The following PALM variants were observed in gnomAD, a reference collection of about 807,000 sequenced individuals.
PALM encodes paralemmin.
PALM carries 18 observed loss-of-function variants against 30.7 expected under a neutral mutation model. The observed-to-expected ratio is 0.59, with a 90% CI of 0.41 to 0.87. PALM has a LOEUF of 0.87. PALM is among the 40% of genes least tolerant of loss of function. The probability of loss-of-function intolerance (pLI) is 0.00; values close to 1 mark genes in which losing one functional copy is unlikely to be tolerated. For synonymous variants in PALM, 286 were observed against 242.8 expected (o/e 1.18, Z -1.66); for missense variants, 529 against 555.4 (o/e 0.95, Z 0.48).
intron 5 of PALM, among the ~76,000 whole-genome samples, chr19:732,326 G>A (rs974402617): frequency 5.3e-5 from 8 of 152,182 alleles, no homozygotes; most frequent in African/African-American, 1.9e-4. Context: ...CTGGCTCAAG[G>A]CCACACAGCT....
At chr19:719,251 T>A in intron 1 of PALM, 1 of 985,382 alleles carries the variant, frequency 1.0e-6, no homozygotes, top group Non-Finnish European at 1.2e-6. Flanking sequence ...TGGGTGACCT[T>A]GGCCGTTGCG....
intron 1 of PALM, chr19:722,776 G>C (rs1012482731): frequency 1.4e-4 from 22 of 152,338 alleles, no homozygotes; most frequent in African/African-American, 5.3e-4. Context: ...CCCCAAGCCA[G>C]AAAGCTGGAT....
At chr19:720,293 C>A (rs990624287) in intron 1 of PALM, among the ~76,000 whole-genome samples, 2 of 150,624 alleles carry the variant, frequency 1.3e-5, no homozygotes, top group Non-Finnish European at 3.0e-5. Flanking sequence ...CATCCATCAC[C>A]GGGGCGGCGG....
chr19:738,045 G>A (rs999565902), intron 7 of PALM, among the ~76,000 whole-genome samples: 2 of 152,132 alleles, frequency 1.3e-5, no homozygotes, highest in African/African-American at 4.8e-5. Context: ...GCAGTGGGCG[G>A]TTCCTTATGT....
chr19:722,210 A>G lies in PALM; in HGVS notation c.6-3928A>G, dbSNP rs59352864. Among the ~76,000 whole-genome samples, 216 of 152,090 alleles carry G rather than the reference A, an allele frequency of 1.4e-3. 3 individuals are homozygous for G. In the East Asian group the frequency reaches 0.029, roughly 21 times the overall value. On this transcript the variant is annotated intron_variant, in intron 1 of 8. Coordinates refer to ENST00000338448, the MANE Select transcript of PALM (RefSeq NM_002579.3). ...TGGGATTACAGGCGTGAGCCAGCGC[A>G]CCCGGCCTTAAATTTTTATTTTTGA...
intron 1 of PALM, among the ~76,000 whole-genome samples, chr19:720,600 GCCGGGTCTGGGGAGGGGCGAGGGGGGCGC>G: frequency 8.1e-6 from 1 of 124,012 alleles, no homozygotes; most frequent in South Asian, 2.9e-4. Context: ...CGAGGGGGGC[GCCGGGTCTGGGGAGGGGCGAGGGGGGCGC>G]CCGTGACTGC....
At chr19:730,480 A>G (rs1321488856) in intron 4 of PALM, among the ~76,000 whole-genome samples, 1 of 151,776 alleles carries the variant, frequency 6.6e-6, no homozygotes, top group East Asian at 1.9e-4. Context: ...CTGGTGAGAT[A>G]AAGTTTCCTG....
intron 1 of PALM, among the ~76,000 whole-genome samples, chr19:725,201 G>A (rs1469514256): frequency 6.6e-6 from 1 of 151,666 alleles, no homozygotes; most frequent in African/African-American, 2.4e-5. Flanking sequence ...TATTTGTTAA[G>A]CGCCTACCAC....
Position 746,209 on chromosome 19 carries a change from T to C in PALM, c.635-76T>C, listed in dbSNP as rs141732890. 1,108 of 1,212,206 alleles carry C rather than the reference T, an allele frequency of 9.1e-4. 7 individuals are homozygous for C. In the African/African-American group the frequency reaches 0.015, roughly 17 times the overall value. 75.1% of individuals were successfully genotyped at this position (1,212,206 alleles called of 1,614,324 possible). A position where few individuals can be genotyped will look rare whatever the true frequency, so the allele number is the denominator to read the frequency against. On this transcript the variant is annotated intron_variant, in intron 8 of 8. Transcript: ENST00000338448. This position sits in a 1 kb window ranked among gnomAD's most constrained non-coding sequence, Gnocchi z 7.1. ...GATACAAGCCTTGCCAAGGTTTCCC[T>C]CCTGCCTGAGCCAGGTCACTCTCTC...
At chr19:720,703 C>T (rs1008856325) in intron 1 of PALM, among the ~76,000 whole-genome samples, 45 of 152,006 alleles carry the variant, frequency 3.0e-4, no homozygotes, top group African/African-American at 1.0e-3. Context: ...CGCGCGTTCC[C>T]TGCCCGCCCG....
At chr19:729,394 A>G (rs1483842045) in intron 4 of PALM, among the ~76,000 whole-genome samples, 1 of 147,530 alleles carries the variant, frequency 6.8e-6, no homozygotes, top group Non-Finnish European at 1.5e-5. Context: ...GCCGAGTGTT[A>G]CCCACTCCCT....
chr19:729,325 A>G (rs1568226908), intron 4 of PALM, among the ~76,000 whole-genome samples: 1 of 151,626 alleles, frequency 6.6e-6, no homozygotes, highest in East Asian at 1.9e-4. Flanking sequence ...GAATCTGTCT[A>G]AAAAAGGAAG....
chr19:728,741 A>C (rs970645916), intron 4 of PALM, among the ~76,000 whole-genome samples: 13 of 151,974 alleles, frequency 8.6e-5, no homozygotes, highest in African/African-American at 2.4e-4. Flanking sequence ...CGGTGGCTCA[A>C]GCCTGTAATC....
intron 4 of PALM, among the ~76,000 whole-genome samples, chr19:728,425 GC>G (rs1309834550): frequency 6.6e-6 from 1 of 152,230 alleles, no homozygotes; most frequent in Non-Finnish European, 1.5e-5. Flanking sequence ...CCCCGTGGGG[GC>G]CCCTCCCTGC....
At chr19:727,852 C>T (rs954908638) in intron 4 of PALM, 158 bp downstream of exon 4, 16 of 693,078 alleles carry the variant, frequency 2.3e-5, no homozygotes, top group Admixed American at 5.9e-5. Flanking sequence ...GGACGCAGGA[C>T]GGGACAGATC....
chr19:721,379 C>A (rs2032476047), intron 1 of PALM, among the ~76,000 whole-genome samples: 1 of 152,076 alleles, frequency 6.6e-6, no homozygotes, highest in South Asian at 2.1e-4. Context: ...GATCCTCCTG[C>A]CTCAGCCTCC....
At chr19:711,792 A>G (rs1015594736) in intron 1 of PALM, among the ~76,000 whole-genome samples, 2 of 152,096 alleles carry the variant, frequency 1.3e-5, no homozygotes, top group Admixed American at 1.3e-4. Context: ...GTGGCGGAAC[A>G]TGGGAAGGTG....
intron 8 of PALM, among the ~76,000 whole-genome samples, chr19:743,413 G>A (rs933878139): frequency 6.6e-6 from 1 of 152,154 alleles, no homozygotes; most frequent in Non-Finnish European, 1.5e-5. Flanking sequence ...GGCAGCCGAG[G>A]GCTCCAATTC....
At position 747,477 on chromosome 19, in the gene PALM, C is replaced by A. The variant is rs574156977; in HGVS notation, c.*663C>A. The A allele has an allele frequency of 1.3e-5, 2 of 153,422 alleles. No individual in the cohort carries two copies. Among genetic ancestry groups the A allele is most frequent in the Admixed American group, 6.5e-5 (1 of 15,320 alleles). The allele number at this position is 153,422 out of a possible 1,614,324, so 9.5% of individuals were successfully genotyped here. On this transcript the variant is annotated 3_prime_UTR_variant, in exon 9 of 9. Coordinates refer to ENST00000338448, the MANE Select transcript of PALM (RefSeq NM_002579.3). ...GGGAACCCCGGGGACATGCCCCCAC[C>A]CGGGAGGGGCCGGTAACCCCTGGGC...
Sources: allele counts gnomAD v4.1 joint callset (sites outside exome capture counted in the v4.1 genomes callset), GRCh38; gene constraint gnomAD v4.1.1; non-coding constraint Gnocchi (gnomAD v3.1); transcripts MANE v1.5; gene names NCBI Gene and HGNC (gene_info 2026-07-23, HGNC 2026-07-21).